Variants in TBCD observed in about 807,000 individuals in gnomAD.
The protein encoded by TBCD is tubulin folding cofactor D, also known as tubulin-specific chaperone D.
In TBCD, 105 loss-of-function variants were observed where a neutral mutation model predicts 169.3. That is an observed-to-expected ratio of 0.62 (90% CI 0.53 to 0.73). TBCD has a LOEUF of 0.73. Ranked by LOEUF, TBCD falls within the 30% of genes least tolerant of loss-of-function variation. The probability of loss-of-function intolerance (pLI) is 0.00; values close to 1 mark genes in which losing one functional copy is unlikely to be tolerated. For missense variants in TBCD, 1,444 were observed against 1,600.1 expected, an observed-to-expected ratio of 0.90 and a Z score of 1.66; for synonymous variants, 700 against 643.9, an observed-to-expected ratio of 1.09 and a Z score of -1.32.
intron 13 of TBCD, among the ~76,000 whole-genome samples, chr17:82,859,440 G>GCC (rs2056585401): frequency 9.8e-6 from 1 of 102,538 alleles, no homozygotes; most frequent in African/African-American, 3.1e-5. Context: ...GGGAAAGAGA[G>GCC]TCTCGTGGGT....
intron 2 of TBCD, among the ~76,000 whole-genome samples, chr17:82,758,733 C>T (rs1005518191): frequency 7.1e-6 from 1 of 140,208 alleles, no homozygotes; most frequent in African/African-American, 2.7e-5. Flanking sequence ...AATCTTGGCT[C>T]ACTGCAACTT....
At chr17:82,826,126 C>T (rs886443310) in intron 13 of TBCD, among the ~76,000 whole-genome samples, 3 of 152,052 alleles carry the variant, frequency 2.0e-5, no homozygotes, top group South Asian at 2.1e-4. Context: ...TTATCTGCAA[C>T]GAAAGAAAAT....
intron 7 of TBCD, among the ~76,000 whole-genome samples, chr17:82,792,356 T>TGC (rs543962907): frequency 0.029 from 3,602 of 126,240 alleles, 58 homozygotes; most frequent in Non-Finnish European, 0.04. Context: ...TATACATGTG[T>TGC]GCACACACAC....
chr17:82,833,817 A>G lies in TBCD; in HGVS notation c.1318+18883A>G, dbSNP rs537439454. On this transcript the variant is annotated intron_variant, in intron 13 of 38. Coordinates refer to ENST00000355528, the MANE Select transcript of TBCD (RefSeq NM_005993.5). The surrounding 1 kb of genome is among the most constrained non-coding windows in gnomAD (Gnocchi z 4.7). The stretch of plus-strand genomic sequence containing the variant: ...ACCCACTCAGGTCCTGGGACCCACC[A>G]GAGGCTGTGTGTGTGATGTCAGAGC... 1.3e-5 allele frequency among the ~76,000 whole-genome samples: 2 copies of G among 152,186 alleles called. No individual in the cohort carries two copies. The highest frequency in any genetic ancestry group is 4.8e-5 in the African/African-American group (2 of 41,464).
In TBCD at chr17:82,893,973, T is replaced by TGA. The variant is rs559191872; in HGVS notation, c.1649+342_1649+343insAG. 5.2e-3 allele frequency among the ~76,000 whole-genome samples: 643 copies of TGA among 122,758 alleles called. 4 individuals carry two copies. Among genetic ancestry groups the TGA allele is most frequent in the Non-Finnish European group, 7.0e-3 (410 of 58,556 alleles). 80.5% of individuals were successfully genotyped at this position (122,758 alleles called of 152,430 possible). Reference sequence around the variant, plus strand: ...ACCCGTGCTGGTTCTGTGTGGGGCTTGGAGTTTGAGAGGAAGCAGCTGCAA... The same window carrying TGA: ...ACCCGTGCTGGTTCTGTGTGGGGCTTGAGGAGTTTGAGAGGAAGCAGCTGCAA... On this transcript the variant is annotated intron_variant, in intron 17 of 38. Coordinates refer to ENST00000355528, the MANE Select transcript of TBCD (RefSeq NM_005993.5).
At chr17:82,839,492 C>T (rs1233137769) in intron 13 of TBCD, among the ~76,000 whole-genome samples, 2 of 151,584 alleles carry the variant, frequency 1.3e-5, no homozygotes, top group Non-Finnish European at 2.9e-5. Flanking sequence ...TATATATAAC[C>T]CTAAATTCAG....
rs776734044 is a variant in TBCD, at chr17:82,907,751, A to C, written c.1923-10A>C. The C allele has an allele frequency of 1.2e-6, 2 of 1,613,444 alleles. No homozygotes were observed. The highest frequency in any genetic ancestry group is 4.5e-5 in the East Asian group (2 of 44,840). On this transcript the variant is annotated splice_polypyrimidine_tract_variant and intron_variant, in intron 20 of 38. Coordinates refer to ENST00000355528, the MANE Select transcript of TBCD (RefSeq NM_005993.5). ...AGTGTGACTTCAGCTCTGTGTTTGA[A>C]CTTCTGCAGGCCCGTCACGGACCAT...
rs1308012675 is a variant in TBCD at position 82,944,626 on chromosome 17, G to A, written c.*2163G>A. 6.6e-6 allele frequency: 1 copy of A among 152,246 alleles called. No homozygotes were observed. Among genetic ancestry groups the A allele is most frequent in the African/African-American group, 2.4e-5 (1 of 41,464 alleles). 9.4% of individuals were successfully genotyped at this position (152,246 alleles called of 1,614,324 possible). On this transcript the variant is annotated 3_prime_UTR_variant, in exon 39 of 39. Transcript: ENST00000355528. ...AAAGAGAATGCTTGTGGTCCCAGAA[G>A]TGGAGCAAGCTTTGTGAGTTTAGAG...
rs145716788 is a variant in TBCD at position 82,831,161 on chromosome 17, C to G, written c.1318+16227C>G. ...CTGGAGGCTGCCTTGTTGGAGAGGT[C>G]GTACAGGCCTTCGCAGGTCTGGCTC... On this transcript the variant is annotated intron_variant, in intron 13 of 38. Coordinates refer to ENST00000355528, the MANE Select transcript of TBCD (RefSeq NM_005993.5). This position sits in a 1 kb window ranked among gnomAD's most constrained non-coding sequence, Gnocchi z 4.6. 1.1e-3 allele frequency: 1,720 copies of G among 1,614,116 alleles called. 1 individual carries two copies. Among genetic ancestry groups the G allele is most frequent in the Non-Finnish European group, 1.3e-3 (1,559 of 1,180,036 alleles).
rs10639851 is a variant in TBCD, at chr17:82,933,273, C to CTTTTTTTT, written c.3191+550_3191+557dup. Among the ~76,000 whole-genome samples the CTTTTTTTT allele has an allele frequency of 1.0e-4, 12 of 114,628 alleles. 1 individual carries two copies. In the East Asian group the frequency reaches 2.1e-3, roughly 20 times the overall value. 75.2% of individuals were successfully genotyped at this position (114,628 alleles called of 152,430 possible). On this transcript the variant is annotated intron_variant, in intron 34 of 38. Coordinates refer to ENST00000355528, the MANE Select transcript of TBCD (RefSeq NM_005993.5). Reference sequence around the variant, plus strand: ...TTGAATTTCACCGTGTTGGGCCAGTCTTTTTTTTTTTTTTTTTTTGAGACA... The same window carrying CTTTTTTTT: ...TTGAATTTCACCGTGTTGGGCCAGTCTTTTTTTTTTTTTTTTTTTTTTTTTTTGAGACA...
intron 22 of TBCD, among the ~76,000 whole-genome samples, chr17:82,910,857 G>A (rs1203114829): frequency 6.6e-5 from 10 of 152,190 alleles, no homozygotes; most frequent in East Asian, 1.9e-4. Flanking sequence ...GAGCCACCGC[G>A]CCCAGCCTCC....
intron 13 of TBCD, among the ~76,000 whole-genome samples, chr17:82,838,169 G>C (rs930685425): frequency 6.6e-6 from 1 of 152,202 alleles, no homozygotes; most frequent in Non-Finnish European, 1.5e-5. Context: ...GGTTTCGGTT[G>C]GCCATGGGGT....
intron 34 of TBCD, among the ~76,000 whole-genome samples, chr17:82,934,193 G>A (rs988455969): frequency 1.3e-5 from 2 of 152,212 alleles, no homozygotes; most frequent in South Asian, 2.1e-4. Context: ...GGAATTTCCC[G>A]CTTCTCACCA....
rs370658754 is a variant in TBCD, at chr17:82,927,296, C to T, written c.2582C>T (p.Thr861Met). ...CTGGGCTGCATGGACGACTACACCA[C>T]GGACAGCAGAGGGGACGTGGGCACC... ...ALLGCMDDYT[T>M]DSRGDVGTWV... The change falls in exon 29 of 39, where the codon ACG becomes ATG. Residue 861 changes from threonine (T) to methionine (M), a missense_variant. Transcript: ENST00000355528. 5.1e-5 allele frequency: 82 copies of T among 1,613,974 alleles called. No individual in the cohort carries two copies. The African/African-American group carries it at 8.4e-4, about 17-fold the overall frequency.
At chr17:82,934,653 G>A (rs1374112056) in intron 34 of TBCD, among the ~76,000 whole-genome samples, 1 of 152,022 alleles carries the variant, frequency 6.6e-6, no homozygotes, top group East Asian at 1.9e-4. Flanking sequence ...TGTATTTTTA[G>A]TAGAGATGGG....
At chr17:82,863,474 T>G (rs1178099248) in intron 13 of TBCD, among the ~76,000 whole-genome samples, 1 of 152,150 alleles carries the variant, frequency 6.6e-6, no homozygotes, top group African/African-American at 2.4e-5. Context: ...GCAAATGATC[T>G]GTGTTCTTGG....
chr17:82,802,020 G>A (rs542293496), intron 9 of TBCD, among the ~76,000 whole-genome samples: 8 of 151,636 alleles, frequency 5.3e-5, no homozygotes, highest in Admixed American at 1.3e-4. Flanking sequence ...TGTGTGCGTC[G>A]TGTTGCTCAG....
chr17:82,901,053 C>G (rs1599374246), intron 18 of TBCD, among the ~76,000 whole-genome samples: 1 of 152,384 alleles, frequency 6.6e-6, no homozygotes, highest in South Asian at 2.1e-4. Flanking sequence ...CGTTGTCTCC[C>G]TCAGCAGTGC....
intron 13 of TBCD, among the ~76,000 whole-genome samples, chr17:82,846,309 C>CGCTGTGTCCCATG: frequency 6.8e-6 from 1 of 147,806 alleles, no homozygotes; most frequent in Non-Finnish European, 1.5e-5. Flanking sequence ...CCTCCACGTG[C>CGCTGTGTCCCATG]TGCGTCCAGC....
Sources: allele counts gnomAD v4.1 joint callset (sites outside exome capture counted in the v4.1 genomes callset), GRCh38; gene constraint gnomAD v4.1.1; non-coding constraint Gnocchi (gnomAD v3.1); transcripts MANE v1.5; gene names NCBI Gene and HGNC (gene_info 2026-07-23, HGNC 2026-07-21).